The following CDH13 variants were observed in gnomAD, a reference collection of about 807,000 sequenced individuals.
CDH13 encodes cadherin 13.
CDH13 carries 24 observed loss-of-function variants against 63.8 expected under a neutral mutation model. That is an observed-to-expected ratio of 0.38 (90% CI 0.27 to 0.53). The LOEUF is 0.53. Among genes scored for constraint, CDH13 ranks in the 20% least tolerant of loss-of-function variants. The pLI, the probability that CDH13 is intolerant of heterozygous loss-of-function variation, is 0.85. For synonymous variants in CDH13, 503 were observed against 355.3 expected, an observed-to-expected ratio of 1.42 and a Z score of -4.67; for missense variants, 1,049 against 903.1, an observed-to-expected ratio of 1.16 and a Z score of -2.07.
intron 1 of CDH13, among the ~76,000 whole-genome samples, chr16:82,798,117 T>A (rs2036678040): frequency 6.6e-6 from 1 of 152,140 alleles, no homozygotes; most frequent in African/African-American, 2.4e-5. Flanking sequence ...CTGAATTGGA[T>A]ATGAAAGAAA....
At chr16:82,693,477 A>C (rs1456079114) in intron 1 of CDH13, among the ~76,000 whole-genome samples, 1 of 152,156 alleles carries the variant, frequency 6.6e-6, no homozygotes, top group African/African-American at 2.4e-5. Context: ...CTAAACATTT[A>C]GGTCTAAACA....
At chr16:83,048,763 C>G (rs944639527) in intron 3 of CDH13, among the ~76,000 whole-genome samples, 12 of 152,118 alleles carry the variant, frequency 7.9e-5, no homozygotes, top group African/African-American at 2.9e-4. Context: ...CATTTCCCCT[C>G]ACACTCTTAC....
At chr16:83,280,169 C>G (rs1201052917) in intron 5 of CDH13, among the ~76,000 whole-genome samples, 2 of 152,148 alleles carry the variant, frequency 1.3e-5, no homozygotes, top group African/African-American at 4.8e-5. Context: ...GCATGTGATG[C>G]TATTTGATAG....
intron 7 of CDH13, among the ~76,000 whole-genome samples, chr16:83,500,675 C>A (rs1187120659): frequency 1.4e-5 from 2 of 145,164 alleles, no homozygotes; most frequent in East Asian, 4.0e-4. Context: ...TGGATTCAAG[C>A]AATTCTCGCA....
intron 2 of CDH13, among the ~76,000 whole-genome samples, chr16:82,878,764 T>C (rs1361928706): frequency 6.6e-6 from 1 of 151,874 alleles, no homozygotes; most frequent in African/African-American, 2.4e-5. Context: ...GATATTGCCA[T>C]CTTTTCCATT....
chr16:82,953,708 C>T (rs1404545053), intron 2 of CDH13: 1 of 152,110 alleles, frequency 6.6e-6, no homozygotes, highest in Admixed American at 6.5e-5. Flanking sequence ...AAATAATGAA[C>T]TGGGTGCTCA....
chr16:83,515,245 C>G (rs73605849), intron 7 of CDH13, among the ~76,000 whole-genome samples: 2,103 of 152,230 alleles, frequency 0.014, 48 homozygotes, highest in African/African-American at 0.046. Context: ...TCTCTCCAAA[C>G]CAACCCTGAG....
At chr16:83,293,568 G>A (rs1425495893) in intron 5 of CDH13, among the ~76,000 whole-genome samples, 2 of 152,054 alleles carry the variant, frequency 1.3e-5, no homozygotes, top group Middle Eastern at 3.2e-3. Flanking sequence ...ATATTCAGAG[G>A]TTATTTCTAT....
chr16:83,240,438 G>A (rs192515916), intron 5 of CDH13, among the ~76,000 whole-genome samples: 22 of 152,210 alleles, frequency 1.4e-4, no homozygotes, highest in African/African-American at 5.3e-4. Context: ...TGGAAGTGAG[G>A]AGCCAAGCTG....
chr16:83,481,519 C>A (rs187655175), intron 6 of CDH13, among the ~76,000 whole-genome samples: 108 of 152,228 alleles, frequency 7.1e-4, no homozygotes, highest in Middle Eastern at 3.4e-3. Context: ...AGAAACCAGG[C>A]GGCACTTGCT....
chr16:83,604,927 A>G lies in CDH13; in HGVS notation c.1101+2333A>G, dbSNP rs557106966. On this transcript the variant is annotated intron_variant, in intron 8 of 13. Transcript: ENST00000567109. The stretch of plus-strand genomic sequence containing the variant: ...GACTAAACACTGTGAATGACAGACT[A>G]TTGTTTTTAATGTCATTGAATCCAA... 3.9e-5 allele frequency among the ~76,000 whole-genome samples: 6 copies of G among 152,332 alleles called. No individual in the cohort carries two copies. In the South Asian group the frequency reaches 1.0e-3, roughly 26 times the overall value.
At chr16:82,966,969 T>C (rs1392350814) in intron 2 of CDH13, among the ~76,000 whole-genome samples, 2 of 152,198 alleles carry the variant, frequency 1.3e-5, no homozygotes, top group Non-Finnish European at 2.9e-5. Flanking sequence ...AAAGAAAATA[T>C]TTTGGCCCAG....
chr16:83,570,316 T>C (rs1904456833), intron 7 of CDH13, among the ~76,000 whole-genome samples: 1 of 152,262 alleles, frequency 6.6e-6, no homozygotes, highest in South Asian at 2.1e-4. Context: ...TTTCTGTCTG[T>C]TCACCCCACC....
chr16:83,603,787 T>TAAGAA (rs1567799040), intron 8 of CDH13, among the ~76,000 whole-genome samples: 1 of 152,100 alleles, frequency 6.6e-6, no homozygotes, highest in Non-Finnish European at 1.5e-5. Context: ...GACTGGGTAA[T>TAAGAA]TTACAAAGAA....
chr16:83,215,730 C>A (rs1174883433), intron 4 of CDH13, among the ~76,000 whole-genome samples: 2 of 152,088 alleles, frequency 1.3e-5, no homozygotes, highest in African/African-American at 4.8e-5. Flanking sequence ...CCTCCAGGCG[C>A]TGTTGAGTAT....
intron 1 of CDH13, among the ~76,000 whole-genome samples, chr16:82,837,115 C>T (rs925853697): frequency 2.0e-5 from 3 of 152,182 alleles, no homozygotes; most frequent in African/African-American, 7.2e-5. Context: ...CTGTATTTTC[C>T]TCAGGCAGTT....
rs1917924544 is a variant in CDH13, at chr16:83,047,662, A to C, written c.366+15444A>C. ...TTGACTGACTTGTTCGTTGCTATAA[A>C]TCTAGCACTTACAATATCTGGCTGT... On this transcript the variant is annotated intron_variant, in intron 3 of 13. Transcript: ENST00000567109. The surrounding 1 kb of genome is among the most constrained non-coding windows in gnomAD (Gnocchi z 4.9). Among the ~76,000 whole-genome samples the C allele has an allele frequency of 1.3e-5, 2 of 152,242 alleles. No homozygotes were observed. Among genetic ancestry groups the C allele is most frequent in the Admixed American group, 6.5e-5 (1 of 15,282 alleles).
At chr16:83,215,031 C>G (rs2039454643) in intron 4 of CDH13, among the ~76,000 whole-genome samples, 1 of 139,684 alleles carries the variant, frequency 7.2e-6, no homozygotes, top group Admixed American at 7.6e-5. Flanking sequence ...TCAAGTCAAG[C>G]AATGACTGAA....
At chr16:82,907,166 G>T (rs781705768) in intron 2 of CDH13, among the ~76,000 whole-genome samples, 10 of 152,176 alleles carry the variant, frequency 6.6e-5, no homozygotes, top group Non-Finnish European at 1.3e-4. Flanking sequence ...GGGATCTGAT[G>T]ATTGCCTAGT....
Sources: allele counts gnomAD v4.1 joint callset (sites outside exome capture counted in the v4.1 genomes callset), GRCh38; gene constraint gnomAD v4.1.1; non-coding constraint Gnocchi (gnomAD v3.1); transcripts MANE v1.5; gene names NCBI Gene and HGNC (gene_info 2026-07-23, HGNC 2026-07-21).